The following BCAS3 variants were observed in gnomAD, a reference collection of about 807,000 sequenced individuals.
BCAS3 encodes BCAS4/BCAS3 fusion.
Under a neutral mutation model 116.1 loss-of-function variants are expected in BCAS3, and 53 were observed. That is an observed-to-expected ratio of 0.46 (90% CI 0.37 to 0.57). The LOEUF (loss-of-function observed/expected upper bound fraction) is 0.57, where lower values mean the gene tolerates loss of function less well. Ranked by LOEUF, BCAS3 falls within the 20% of genes least tolerant of loss-of-function variation. The pLI, the probability that BCAS3 is intolerant of heterozygous loss-of-function variation, is 0.00. For synonymous variants in BCAS3, 391 were observed against 408.2 expected, an observed-to-expected ratio of 0.96 and a Z score of 0.51; for missense variants, 917 against 1,165.4, an observed-to-expected ratio of 0.79 and a Z score of 3.10.
rs2065257292 is a variant in BCAS3, at chr17:61,013,743, A to C, written c.1487-2008A>C. On this transcript the variant is annotated intron_variant, in intron 15 of 23. Transcript: ENST00000407086. The surrounding 1 kb of genome is among the most constrained non-coding windows in gnomAD (Gnocchi z 4.4). ...TCTTATCTTTCCCCATATTTTACAA[A>C]AGAGACATTTATCAAAGGTTAACTT... Among the ~76,000 whole-genome samples, 1 of 152,138 alleles carries C rather than the reference A, an allele frequency of 6.6e-6. No individual in the cohort carries two copies. Among genetic ancestry groups the C allele is most frequent in the African/African-American group, 2.4e-5 (1 of 41,438 alleles).
At position 60,990,651 on chromosome 17, in the gene BCAS3, T is replaced by A; in HGVS notation, c.1486+416T>A. 7.0e-6 allele frequency among the ~76,000 whole-genome samples: 1 copy of A among 142,924 alleles called. No homozygotes were observed. The highest frequency in any genetic ancestry group is 2.0e-4 in the East Asian group (1 of 4,932). 93.8% of individuals were successfully genotyped at this position (142,924 alleles called of 152,430 possible). On this transcript the variant is annotated intron_variant, in intron 15 of 23. Coordinates refer to ENST00000407086, the MANE Select transcript of BCAS3 (RefSeq NM_017679.5). This position sits in a 1 kb window ranked among gnomAD's most constrained non-coding sequence, Gnocchi z 5.1. Reference sequence around the variant, plus strand: ...GTATTTTAGATAGAGCAGCATTTGCTTTTTTTTTTTTTTGAGACGGAGTCT... The same window carrying A: ...GTATTTTAGATAGAGCAGCATTTGCATTTTTTTTTTTTTGAGACGGAGTCT...
chr17:61,237,011 A>G (rs1006992066), intron 22 of BCAS3, among the ~76,000 whole-genome samples: 13 of 152,342 alleles, frequency 8.5e-5, no homozygotes, highest in Non-Finnish European at 1.8e-4. Context: ...TTCCTTTGGT[A>G]AAGCAAGAGG....
Position 60,868,582 on chromosome 17 carries a change from C to G in BCAS3, c.483C>G (p.Ser161Arg). 4 of 1,538,888 alleles carry G rather than the reference C, an allele frequency of 2.6e-6. No homozygotes were observed. The highest frequency in any genetic ancestry group is 3.5e-6 in the Non-Finnish European group (4 of 1,151,156). ...TTTCTTTTTTCTTTTTTAGCACAAG[C>G]CCACCGTACTGTTGTGTGGATCTGT... is the stretch of plus-strand genomic sequence containing the variant. ...VCKSIGSSGT[S>R]PPYCCVDLYS... is the part of the protein sequence containing the mutation. The change falls in exon 8 of 24, where the codon AGC (serine) becomes AGG (arginine). Residue 161 changes from serine (S) to arginine (R), a missense_variant. Physicochemically the swap from Ser to Arg is moderately radical, Grantham distance 110. Transcript: ENST00000407086.
At chr17:61,289,235 G>A (rs1305420686) in intron 22 of BCAS3, among the ~76,000 whole-genome samples, 3 of 152,212 alleles carry the variant, frequency 2.0e-5, no homozygotes, top group South Asian at 2.1e-4. Flanking sequence ...TCAGAGTGGC[G>A]GGGTGTGGTG....
intron 3 of BCAS3, chr17:60,688,815 CAAA>C (rs559951863): frequency 8.0e-5 from 7 of 87,310 alleles, no homozygotes; most frequent in Admixed American, 1.3e-4. Context: ...GACTCTGTCT[CAAA>C]AAAAAAAAAA....
rs1363949760 is a variant in BCAS3, at chr17:61,181,293, G to A, written c.2425+96729G>A. On this transcript the variant is annotated intron_variant, in intron 22 of 23. Coordinates refer to ENST00000407086, the MANE Select transcript of BCAS3 (RefSeq NM_017679.5). The surrounding 1 kb of genome is among the most constrained non-coding windows in gnomAD (Gnocchi z 5.0). ...GCCTAAGCCCATGCTTACATGCTAA[G>A]GCCTGAAACTGTGAAGACCTACTGG... Among the ~76,000 whole-genome samples the A allele has an allele frequency of 1.3e-5, 2 of 152,302 alleles. No homozygotes were observed. Among genetic ancestry groups the A allele is most frequent in the East Asian group, 3.9e-4 (2 of 5,188 alleles).
intron 5 of BCAS3, among the ~76,000 whole-genome samples, chr17:60,718,920 G>A (rs978161734): frequency 1.2e-4 from 18 of 152,084 alleles, no homozygotes; most frequent in African/African-American, 4.1e-4. Flanking sequence ...AAATTAGCCA[G>A]GCATGGTGAC....
intron 5 of BCAS3, among the ~76,000 whole-genome samples, chr17:60,745,900 G>A (rs930941898): frequency 6.6e-6 from 1 of 152,092 alleles, no homozygotes; most frequent in African/African-American, 2.4e-5. Flanking sequence ...TTTGTAGTTT[G>A]CAGCTCTTAA....
Position 60,921,380 on chromosome 17 carries a change from G to A in BCAS3, c.994-3027G>A, listed in dbSNP as rs143053816. ...ATTGACCACACCACGTTGGGAGGCC[G>A]AGGCGGGCGGATCACAAGGTCAGGA... On this transcript the variant is annotated intron_variant, in intron 12 of 23. Coordinates refer to ENST00000407086, the MANE Select transcript of BCAS3 (RefSeq NM_017679.5). 9.8e-3 allele frequency among the ~76,000 whole-genome samples: 1,493 copies of A among 152,144 alleles called. 32 individuals are homozygous for A. Among genetic ancestry groups the A allele is most frequent in the African/African-American group, 0.034 (1,426 of 41,506 alleles).
At chr17:60,810,294 TTC>T in intron 7 of BCAS3, 3 of 448,486 alleles carry the variant, frequency 6.7e-6, no homozygotes, top group South Asian at 5.5e-5. Flanking sequence ...GGGGCTCTGG[TTC>T]CCGGATCTCC....
At chr17:60,985,280 G>A (rs987882428) in intron 14 of BCAS3, among the ~76,000 whole-genome samples, 1 of 151,312 alleles carries the variant, frequency 6.6e-6, no homozygotes, top group Non-Finnish European at 1.5e-5. Flanking sequence ...CCAGTAGCTG[G>A]AAGTACAGGC....
At chr17:61,250,385 G>A (rs930551294) in intron 22 of BCAS3, among the ~76,000 whole-genome samples, 2 of 152,098 alleles carry the variant, frequency 1.3e-5, no homozygotes, top group African/African-American at 4.8e-5. Flanking sequence ...GCCATTGAAA[G>A]GATTTTCAAT....
chr17:60,831,857 G>A (rs1199033020), intron 7 of BCAS3, among the ~76,000 whole-genome samples: 1 of 101,076 alleles, frequency 9.9e-6, no homozygotes, highest in African/African-American at 5.3e-5. Flanking sequence ...TTTGTATATT[G>A]TAAAGTAATG....
rs2066008875 is a variant in BCAS3, at chr17:61,023,428, T to A, written c.1637+7527T>A. ...GTTTATAGAGTATGTTTATAAAATT[T>A]GTCTCTTAGATGCCACGTACTTCTT... On this transcript the variant is annotated intron_variant, in intron 16 of 23. Transcript: ENST00000407086. The surrounding 1 kb of genome is among the most constrained non-coding windows in gnomAD (Gnocchi z 4.8). Among the ~76,000 whole-genome samples, 1 of 152,236 alleles carries A rather than the reference T, an allele frequency of 6.6e-6. No homozygotes were observed. The highest frequency in any genetic ancestry group is 1.5e-5 in the Non-Finnish European group (1 of 68,036).
intron 14 of BCAS3, among the ~76,000 whole-genome samples, chr17:60,954,735 C>A (rs959192455): frequency 2.0e-5 from 3 of 152,042 alleles, no homozygotes; most frequent in Admixed American, 6.5e-5. Context: ...ATATAATGCC[C>A]AATTTCTTTC....
rs113056917 is a variant in BCAS3 at position 61,269,447 on chromosome 17, A to G, written c.2426-98880A>G. 3.6e-3 allele frequency among the ~76,000 whole-genome samples: 542 copies of G among 152,236 alleles called. 3 individuals carry two copies. The highest frequency in any genetic ancestry group is 0.012 in the African/African-American group (508 of 41,540). On this transcript the variant is annotated intron_variant, in intron 22 of 23. Transcript: ENST00000407086. ...TTTCAATTCTTTTGAATATATATCA[A>G]GAAGTGGGATTGCTGGATTGTATAT...
At chr17:61,120,842 T>C (rs2075751869) in intron 22 of BCAS3, among the ~76,000 whole-genome samples, 2 of 152,166 alleles carry the variant, frequency 1.3e-5, no homozygotes, top group Non-Finnish European at 1.5e-5. Flanking sequence ...ATAAGACTTA[T>C]ACATTGCAAT....
chr17:61,125,984 C>T (rs1020062630), intron 22 of BCAS3, among the ~76,000 whole-genome samples: 4 of 152,070 alleles, frequency 2.6e-5, no homozygotes, highest in South Asian at 2.1e-4. Flanking sequence ...TTAAAATTTA[C>T]GATTTCTTCT....
Position 61,388,845 on chromosome 17 carries a change from G to C in BCAS3, c.2594-3132G>C, listed in dbSNP as rs2059985454. ...TGCCTGCAGGGGGAGGAGCAGAAGG[G>C]GTCTGAGAGGAGGCGTGGAGAAAAG... On this transcript the variant is annotated intron_variant, in intron 23 of 23. Transcript: ENST00000407086. The surrounding 1 kb of genome is among the most constrained non-coding windows in gnomAD (Gnocchi z 6.5). 2.3e-6 allele frequency: 2 copies of C among 863,066 alleles called. No homozygotes were observed. Among genetic ancestry groups the C allele is most frequent in the Non-Finnish European group, 3.5e-6 (2 of 573,930 alleles). 53.5% of individuals were successfully genotyped at this position (863,066 alleles called of 1,614,324 possible).
Sources: gnomAD v4.1 joint callset for allele counts (sites outside exome capture counted in the v4.1 genomes callset) on GRCh38, gnomAD v4.1.1 for gene constraint, Gnocchi (gnomAD v3.1) non-coding constraint, MANE v1.5 for transcripts, NCBI Gene and HGNC (gene_info 2026-07-23, HGNC 2026-07-21) for gene names.